HTATIP2: variants seen among roughly 807,000 people sequenced by gnomAD.
HTATIP2 encodes protein HTATIP2.
A neutral mutation model predicts 24.7 loss-of-function variants in HTATIP2; 26 were observed. The ratio of observed to expected loss-of-function variants is 1.05; its 90% CI spans 0.77 to 1.46. The LOEUF (loss-of-function observed/expected upper bound fraction) is 1.46. HTATIP2 is among the 40% of genes most tolerant of loss of function. HTATIP2 has a pLI of 0.00. For synonymous variants in HTATIP2, 99 were observed against 113.2 expected (o/e 0.87, Z 0.79); for missense variants, 284 against 289.6 (o/e 0.98, Z 0.14).
chr11:20,381,196 T>G (rs1366525837), intron 3 of HTATIP2, among the ~76,000 whole-genome samples: 2 of 152,048 alleles, frequency 1.3e-5, no homozygotes, highest in African/African-American at 2.4e-5. Context: ...CCCAGCACTT[T>G]GGGAGGCTGA....
intron 2 of HTATIP2, chr11:20,376,257 A>AT: frequency 3.3e-6 from 1 of 302,216 alleles, no homozygotes; most frequent in Non-Finnish European, 6.0e-6. Context: ...CAAAAAAAAA[A>AT]GTCTGGCTTA....
At chr11:20,379,777 G>A (rs181874712) in intron 3 of HTATIP2, among the ~76,000 whole-genome samples, 52 of 152,166 alleles carry the variant, frequency 3.4e-4, no homozygotes, top group Middle Eastern at 3.4e-3. Flanking sequence ...TTTATTATTG[G>A]GTATCATCCT....
At chr11:20,378,691 T>C (rs888580629) in intron 3 of HTATIP2, among the ~76,000 whole-genome samples, 2 of 152,188 alleles carry the variant, frequency 1.3e-5, no homozygotes, top group African/African-American at 4.8e-5. Flanking sequence ...CCAGGCAGTA[T>C]TCTGAGGGCT....
Position 20,383,316 on chromosome 11 carries a change from C to T in HTATIP2, c.*111C>T, listed in dbSNP as rs568532494. On this transcript the variant is annotated 3_prime_UTR_variant, in exon 5 of 5. Coordinates refer to ENST00000451739, the MANE Select transcript of HTATIP2 (RefSeq NM_001098522.2). ...TTTAACTTTGTTGTTTTACTATCCT[C>T]AGGCATCCATTCCAATCAAGAAATG... 3.2e-5 allele frequency: 24 copies of T among 750,422 alleles called. No individual in the cohort carries two copies. The Middle Eastern group carries it at 9.4e-4, about 29-fold the overall frequency. The allele number at this position is 750,422 out of a possible 1,614,324, so 46.5% of individuals were successfully genotyped here. A position where few individuals can be genotyped will look rare whatever the true frequency, so the allele number is the denominator to read the frequency against.
chr11:20,376,190 C>T (rs1848442274), intron 2 of HTATIP2: 3 of 214,518 alleles, frequency 1.4e-5, no homozygotes, highest in Non-Finnish European at 2.7e-5. Context: ...CTCGGAGACC[C>T]TACCACATTA....
At chr11:20,365,007 G>A (rs1402118789) in intron 1 of HTATIP2, among the ~76,000 whole-genome samples, 1 of 141,840 alleles carries the variant, frequency 7.1e-6, no homozygotes. Flanking sequence ...TTTCTGAGAC[G>A]GAGTCTCACT....
At chr11:20,379,268 A>G (rs1592322158) in intron 3 of HTATIP2, among the ~76,000 whole-genome samples, 1 of 152,194 alleles carries the variant, frequency 6.6e-6, no homozygotes, top group East Asian at 1.9e-4. Context: ...GACACTTCTG[A>G]TTTCACTGCA....
At chr11:20,365,535 C>T (rs992941255) in intron 1 of HTATIP2, among the ~76,000 whole-genome samples, 3 of 152,178 alleles carry the variant, frequency 2.0e-5, no homozygotes, top group Non-Finnish European at 1.5e-5. Context: ...TCTTGATTCT[C>T]GCAGGTCTGT....
chr11:20,376,775 C>T, intron 3 of HTATIP2, 58 bp downstream of exon 3: 2 of 1,344,882 alleles, frequency 1.5e-6, no homozygotes, highest in South Asian at 1.4e-5. Context: ...TTTGGCAGTA[C>T]TAAAGAATAT....
chr11:20,369,622 C>T (rs1206063077), intron 2 of HTATIP2, among the ~76,000 whole-genome samples: 5 of 152,310 alleles, frequency 3.3e-5, no homozygotes, highest in Middle Eastern at 6.8e-3. Flanking sequence ...TTGTAGATGG[C>T]AGCCTTCTCT....
intron 1 of HTATIP2, among the ~76,000 whole-genome samples, chr11:20,365,356 T>C (rs1390903829): frequency 6.6e-6 from 1 of 152,108 alleles, no homozygotes; most frequent in African/African-American, 2.4e-5. Flanking sequence ...CCCCTAAATA[T>C]CAGAAGCCTG....
In HTATIP2 at chr11:20,376,758, C is replaced by A. The variant is rs375017819; in HGVS notation, c.441+41C>A. On this transcript the variant is annotated intron_variant, in intron 3 of 4. Coordinates refer to ENST00000451739, the MANE Select transcript of HTATIP2 (RefSeq NM_001098522.2). ...TGTTTTTCATACACTTTGGAGAACCCTAGCTATTTGGCAGTACTAAAGAAT... is the reference window on the plus strand; with the variant it reads ...TGTTTTTCATACACTTTGGAGAACCATAGCTATTTGGCAGTACTAAAGAAT... 10 of 1,531,110 alleles carry A rather than the reference C, an allele frequency of 6.5e-6. No homozygotes were observed. The African/African-American group carries it at 7.0e-5, about 11-fold the overall frequency. 94.8% of individuals were successfully genotyped at this position (1,531,110 alleles called of 1,614,324 possible). A position where few individuals can be genotyped will look rare whatever the true frequency, so the allele number is the denominator to read the frequency against.
At chr11:20,381,099 A>T (rs1308566787) in intron 3 of HTATIP2, among the ~76,000 whole-genome samples, 1 of 151,912 alleles carries the variant, frequency 6.6e-6, no homozygotes, top group Non-Finnish European at 1.5e-5. Flanking sequence ...TTAGATCGTG[A>T]TGAAGGTTAC....
At chr11:20,379,096 T>C (rs1848485065) in intron 3 of HTATIP2, among the ~76,000 whole-genome samples, 1 of 152,006 alleles carries the variant, frequency 6.6e-6, no homozygotes, top group Non-Finnish European at 1.5e-5. Context: ...ACACCAGCTG[T>C]TAAGCGGCAA....
At chr11:20,366,226 C>T (rs1273379407) in intron 1 of HTATIP2, among the ~76,000 whole-genome samples, 1 of 150,870 alleles carries the variant, frequency 6.6e-6, no homozygotes, top group East Asian at 2.0e-4. Context: ...CTCAGCCTCC[C>T]GAGTAGCTGC....
chr11:20,379,796 A>G (rs1477662872), intron 3 of HTATIP2, among the ~76,000 whole-genome samples: 1 of 152,222 alleles, frequency 6.6e-6, no homozygotes, highest in Non-Finnish European at 1.5e-5. Flanking sequence ...CTTGACCTCA[A>G]GGAGTTTATA....
intron 2 of HTATIP2, among the ~76,000 whole-genome samples, chr11:20,368,300 T>A (rs2064735095): frequency 6.6e-6 from 1 of 152,194 alleles, no homozygotes; most frequent in Admixed American, 6.5e-5. Flanking sequence ...GAAGAACTAT[T>A]CATTTATACC....
In HTATIP2 at chr11:20,382,159, A is replaced by T; in HGVS notation, c.442-19A>T. The T allele has an allele frequency of 6.7e-7, 1 of 1,489,456 alleles. No individual in the cohort carries two copies. The highest frequency in any genetic ancestry group is 1.1e-5 in the South Asian group (1 of 88,278). 92.3% of individuals were successfully genotyped at this position (1,489,456 alleles called of 1,614,324 possible). ...AGCTGGTCGCGATTAAATACTGAAAATGTGTTTTTTCTTAATAGGGAGAAG... is the reference window on the plus strand; with the variant it reads ...AGCTGGTCGCGATTAAATACTGAAATTGTGTTTTTTCTTAATAGGGAGAAG... On this transcript the variant is annotated intron_variant, in intron 3 of 4. Transcript: ENST00000451739.
At chr11:20,367,504 G>C (rs186221694) in intron 2 of HTATIP2, 2 of 1,439,730 alleles carry the variant, frequency 1.4e-6, no homozygotes, top group Non-Finnish European at 1.8e-6. Context: ...TGCTGGAGAC[G>C]TCGTAAATAT....
Sources: allele counts gnomAD v4.1 joint callset (sites outside exome capture counted in the v4.1 genomes callset), GRCh38; gene constraint gnomAD v4.1.1; transcripts MANE v1.5; gene names NCBI Gene and HGNC (gene_info 2026-07-23, HGNC 2026-07-21).